The following MAPKAPK2 variants were observed in gnomAD, a reference collection of about 807,000 sequenced individuals.
MAPKAPK2 encodes MAP kinase-activated protein kinase 2.
MAPKAPK2 carries 9 observed loss-of-function variants against 48.8 expected under a neutral mutation model. The ratio of observed to expected loss-of-function variants is 0.18; its 90% CI spans 0.11 to 0.32. The LOEUF is 0.32. MAPKAPK2 is among the 10% of genes least tolerant of loss of function. MAPKAPK2 has a pLI of 1.00. For missense variants in MAPKAPK2, 331 were observed against 498.3 expected, an observed-to-expected ratio of 0.66 and a Z score of 3.20; for synonymous variants, 202 against 190.6, an observed-to-expected ratio of 1.06 and a Z score of -0.49.
intron 1 of MAPKAPK2, among the ~76,000 whole-genome samples, chr1:206,688,035 GAA>G (rs1266515310): frequency 6.6e-6 from 1 of 152,160 alleles, no homozygotes; most frequent in African/African-American, 2.4e-5. Flanking sequence ...ATCAGCATTT[GAA>G]AAAGAGTCCC....
chr1:206,729,956 G>T lies in MAPKAPK2; in HGVS notation c.565-16G>T. 1 of 1,614,066 alleles carries T rather than the reference G, an allele frequency of 6.2e-7. No individual in the cohort carries two copies. The highest frequency in any genetic ancestry group is 8.5e-7 in the Non-Finnish European group (1 of 1,179,992). Reference sequence around the variant, plus strand: ...GGTCCAGCAGGGTTGCTATTTTTCTGTCTCTCTTTCTGTAGCCTGAGAATC... The same window carrying T: ...GGTCCAGCAGGGTTGCTATTTTTCTTTCTCTCTTTCTGTAGCCTGAGAATC... On this transcript the variant is annotated splice_polypyrimidine_tract_variant and intron_variant, in intron 4 of 9. Transcript: ENST00000367103.
intron 1 of MAPKAPK2, among the ~76,000 whole-genome samples, chr1:206,725,995 G>C (rs993170907): frequency 6.6e-6 from 1 of 152,222 alleles, no homozygotes; most frequent in Non-Finnish European, 1.5e-5. Flanking sequence ...GTAAATGCTT[G>C]CTGGATTGAA....
intron 1 of MAPKAPK2, among the ~76,000 whole-genome samples, chr1:206,728,012 G>C (rs920845376): frequency 9.2e-6 from 1 of 109,162 alleles, no homozygotes; most frequent in African/African-American, 2.7e-5. Context: ...AATGAGACTG[G>C]CTTAGACAGG....
At chr1:206,697,260 A>G (rs551955782) in intron 1 of MAPKAPK2, among the ~76,000 whole-genome samples, 1 of 152,330 alleles carries the variant, frequency 6.6e-6, no homozygotes, top group South Asian at 2.1e-4. Flanking sequence ...AGACACACAG[A>G]TGCAGTCCAT....
chr1:206,710,134 T>A (rs1184082134), intron 1 of MAPKAPK2, among the ~76,000 whole-genome samples: 1 of 152,224 alleles, frequency 6.6e-6, no homozygotes, highest in African/African-American at 2.4e-5. Flanking sequence ...TTACTATGGT[T>A]TGGTTAAATA....
chr1:206,713,396 G>C (rs1470300981), intron 1 of MAPKAPK2, among the ~76,000 whole-genome samples: 1 of 152,198 alleles, frequency 6.6e-6, no homozygotes, highest in Non-Finnish European at 1.5e-5. Context: ...GGGAGGTTAG[G>C]GTAGCGATGA....
rs1280652074 is a variant in MAPKAPK2, at chr1:206,696,247, T to A, written c.279+10739T>A. The stretch of plus-strand genomic sequence containing the variant: ...GCTGATGACCTGTTCTTCCTTCTTT[T>A]CCTTCCCCTTTCAAGGTGCCATTTC... On this transcript the variant is annotated intron_variant, in intron 1 of 9. Coordinates refer to ENST00000367103, the MANE Select transcript of MAPKAPK2 (RefSeq NM_032960.4). 2.9e-6 allele frequency: 4 copies of A among 1,381,768 alleles called. No homozygotes were observed. In the East Asian group the frequency reaches 9.1e-5, roughly 32 times the overall value. The allele number at this position is 1,381,768 out of a possible 1,614,324, so 85.6% of individuals were successfully genotyped here.
intron 3 of MAPKAPK2, 83 bp from the exon 4 acceptor site, chr1:206,729,313 G>GA: frequency 8.1e-7 from 1 of 1,227,900 alleles, no homozygotes; most frequent in Non-Finnish European, 1.2e-6. Context: ...GCACAGAGGT[G>GA]GGACCCGGTG....
intron 1 of MAPKAPK2, among the ~76,000 whole-genome samples, chr1:206,700,931 C>T (rs1553427832): frequency 1.3e-5 from 2 of 152,212 alleles, no homozygotes; most frequent in Non-Finnish European, 2.9e-5. Flanking sequence ...ATGACAGCTG[C>T]TGGTGTTAAT....
intron 1 of MAPKAPK2, 41 bp downstream of exon 1, chr1:206,685,549 G>C (rs782206609): frequency 7.0e-7 from 1 of 1,430,376 alleles, no homozygotes; most frequent in Admixed American, 2.4e-5. Context: ...GGCCGGTCCC[G>C]GGCCCTGGAG....
chr1:206,728,588 G>A (rs371156236), intron 1 of MAPKAPK2, 122 bp from the exon 2 acceptor site: 14 of 1,105,864 alleles, frequency 1.3e-5, no homozygotes, highest in Non-Finnish European at 1.8e-5. Flanking sequence ...GGGCTGGTGG[G>A]GGGGGCCAGC....
At chr1:206,689,209 G>A (rs1672378480) in intron 1 of MAPKAPK2, among the ~76,000 whole-genome samples, 1 of 152,226 alleles carries the variant, frequency 6.6e-6, no homozygotes, top group Non-Finnish European at 1.5e-5. Context: ...ACAAGGTCCT[G>A]TAGTTTCTTT....
intron 1 of MAPKAPK2, among the ~76,000 whole-genome samples, chr1:206,723,344 C>T (rs549870965): frequency 1.3e-5 from 2 of 152,272 alleles, no homozygotes; most frequent in East Asian, 1.9e-4. Context: ...GGATGCAGTA[C>T]TTATTACGTG....
intron 1 of MAPKAPK2, among the ~76,000 whole-genome samples, chr1:206,694,604 G>A (rs1369471292): frequency 2.6e-5 from 4 of 152,242 alleles, no homozygotes; most frequent in African/African-American, 9.6e-5. Flanking sequence ...AGCTGGAGAA[G>A]GCTAGCTTCT....
In MAPKAPK2 at chr1:206,704,276, T is replaced by G. The variant is rs569472987; in HGVS notation, c.279+18768T>G. On this transcript the variant is annotated intron_variant, in intron 1 of 9. Transcript: ENST00000367103. The surrounding 1 kb of genome is among the most constrained non-coding windows in gnomAD (Gnocchi z 4.3). Reference sequence around the variant, plus strand: ...CTGTCTGAGTGTCTCTCACTCGTTGTTACCTGTCCATTTGTTACCTGGCCC... The same window carrying G: ...CTGTCTGAGTGTCTCTCACTCGTTGGTACCTGTCCATTTGTTACCTGGCCC... 3.3e-5 allele frequency among the ~76,000 whole-genome samples: 5 copies of G among 152,370 alleles called. No homozygotes were observed. Among genetic ancestry groups the G allele is most frequent in the African/African-American group, 1.2e-4 (5 of 41,594 alleles).
intron 1 of MAPKAPK2, among the ~76,000 whole-genome samples, chr1:206,696,432 G>T (rs1553427079): frequency 6.6e-6 from 1 of 152,172 alleles, no homozygotes; most frequent in African/African-American, 2.4e-5. Flanking sequence ...GGCCAGGCAT[G>T]GTGGCTCACG....
In MAPKAPK2 at chr1:206,731,153, C is replaced by A; in HGVS notation, c.783C>A (p.Pro261=). 6.2e-7 allele frequency: 1 copy of A among 1,614,198 alleles called. No individual in the cohort carries two copies. Among genetic ancestry groups the A allele is most frequent in the Non-Finnish European group, 8.5e-7 (1 of 1,180,026 alleles). Residue 261 remains proline, a synonymous_variant, in exon 7 of 10, where the codon CCC becomes CCA. Coordinates refer to ENST00000367103, the MANE Select transcript of MAPKAPK2 (RefSeq NM_032960.4). The surrounding 1 kb of genome is among the most constrained non-coding windows in gnomAD (Gnocchi z 5.9). ...GTTGATGCAGGCTGTGTGGGTATCC[C>A]CCCTTCTACTCCAACCACGGCCTTG... ...VIMYILLCGY[P]PFYSNHGLAI... is the part of the protein sequence containing the mutation.
intron 1 of MAPKAPK2, among the ~76,000 whole-genome samples, chr1:206,719,386 G>T (rs1275380501): frequency 2.6e-5 from 4 of 152,130 alleles, no homozygotes; most frequent in African/African-American, 7.2e-5. Flanking sequence ...GGGATTCCCC[G>T]TTGTAAGTTT....
chr1:206,707,714 G>A (rs531024942), intron 1 of MAPKAPK2, among the ~76,000 whole-genome samples: 1 of 152,296 alleles, frequency 6.6e-6, no homozygotes, highest in Admixed American at 6.5e-5. Flanking sequence ...GTGTGTGGGG[G>A]TTTGGGGGTA....
Sources: allele counts gnomAD v4.1 joint callset (sites outside exome capture counted in the v4.1 genomes callset), GRCh38; gene constraint gnomAD v4.1.1; non-coding constraint Gnocchi (gnomAD v3.1); transcripts MANE v1.5; gene names NCBI Gene and HGNC (gene_info 2026-07-23, HGNC 2026-07-21).